Variants in RASGRP3 observed in about 807,000 individuals in gnomAD.
RASGRP3 encodes the protein RAS guanyl releasing protein 3.
RASGRP3 carries 54 observed loss-of-function variants against 82.7 expected under a neutral mutation model. The ratio of observed to expected loss-of-function variants is 0.65; its 90% CI spans 0.52 to 0.82. RASGRP3 has a LOEUF of 0.82. Among genes scored for constraint, RASGRP3 ranks in the 40% least tolerant of loss-of-function variants. RASGRP3 has a pLI of 0.00. For synonymous variants in RASGRP3, 309 were observed against 300.5 expected, an observed-to-expected ratio of 1.03 and a Z score of -0.29; for missense variants, 861 against 828.9, an observed-to-expected ratio of 1.04 and a Z score of -0.48.
chr2:33,485,151 T>C (rs1668264131), intron 1 of RASGRP3, among the ~76,000 whole-genome samples: 1 of 152,210 alleles, frequency 6.6e-6, no homozygotes, highest in Non-Finnish European at 1.5e-5. Flanking sequence ...TGAGCCTAGA[T>C]TGCGCCATTG....
At position 33,515,144 on chromosome 2, in the gene RASGRP3, C is replaced by T; in HGVS notation, c.8C>T (p.Ser3Leu). MG[S>L]SGLGKAATLD... ...GACAACGGCTAAATAACCATGGGAT[C>T]AAGTGGCCTTGGGAAAGCAGCAACA... The change falls in exon 3 of 18, where the codon TCA (serine) becomes TTA (leucine). Residue 3 changes from serine (S) to leucine (L), a missense_variant. Coordinates refer to ENST00000403687, the MANE Select transcript of RASGRP3 (RefSeq NM_001139488.2). The T allele has an allele frequency of 6.2e-7, 1 of 1,613,896 alleles. No individual in the cohort carries two copies. The highest frequency in any genetic ancestry group is 8.5e-7 in the Non-Finnish European group (1 of 1,179,810).
intron 2 of RASGRP3, among the ~76,000 whole-genome samples, chr2:33,469,520 C>T (rs556876640): frequency 1.5e-4 from 23 of 149,736 alleles, no homozygotes; most frequent in African/African-American, 3.5e-4. Context: ...AGTGCAGTGG[C>T]GCGATCTTGA....
intron 1 of RASGRP3, among the ~76,000 whole-genome samples, chr2:33,487,016 C>T (rs1042688829): frequency 3.3e-5 from 5 of 152,132 alleles, no homozygotes; most frequent in Non-Finnish European, 7.4e-5. Flanking sequence ...TATTATCTAA[C>T]TTTAACAATT....
At chr2:33,440,806 A>AAC (rs1238358770) in intron 1 of RASGRP3, among the ~76,000 whole-genome samples, 4 of 152,180 alleles carry the variant, frequency 2.6e-5, no homozygotes, top group African/African-American at 7.2e-5. Flanking sequence ...GTGTGGCTAA[A>AAC]ACATACTTAT....
chr2:33,437,498 G>A (rs1325912431), intron 1 of RASGRP3, among the ~76,000 whole-genome samples: 1 of 152,204 alleles, frequency 6.6e-6, no homozygotes, highest in Non-Finnish European at 1.5e-5. Context: ...AGAGGAATAC[G>A]GTTCTGGTGG....
intron 16 of RASGRP3, 135 bp downstream of exon 16, chr2:33,558,471 T>G: frequency 7.4e-7 from 1 of 1,355,836 alleles, no homozygotes; most frequent in South Asian, 1.4e-5. Flanking sequence ...TGAGCAGCAG[T>G]AGCTAAACCC....
chr2:33,448,301 C>T (rs924523526), intron 2 of RASGRP3, among the ~76,000 whole-genome samples: 2 of 151,854 alleles, frequency 1.3e-5, no homozygotes, highest in Non-Finnish European at 2.9e-5. Context: ...TTATAAATTC[C>T]TTCATGTCTA....
intron 17 of RASGRP3, among the ~76,000 whole-genome samples, chr2:33,561,356 C>T (rs961575495): frequency 4.6e-5 from 7 of 152,154 alleles, no homozygotes; most frequent in Non-Finnish European, 7.3e-5. Flanking sequence ...CGTAAGCCAT[C>T]GCGCCCAGCT....
intron 1 of RASGRP3, among the ~76,000 whole-genome samples, chr2:33,507,612 A>G (rs1321986856): frequency 4.6e-5 from 7 of 152,012 alleles, no homozygotes; most frequent in Non-Finnish European, 8.8e-5. Flanking sequence ...TGCAACCTCC[A>G]CCTCCCAGGT....
chr2:33,500,602 T>C (rs1053752785), intron 1 of RASGRP3, among the ~76,000 whole-genome samples: 1 of 152,002 alleles, frequency 6.6e-6, no homozygotes, highest in Non-Finnish European at 1.5e-5. Flanking sequence ...GGTTGAGCCA[T>C]AGACCAAGGA....
chr2:33,446,465 G>A (rs1483790587), intron 1 of RASGRP3, among the ~76,000 whole-genome samples: 3 of 143,800 alleles, frequency 2.1e-5, no homozygotes, highest in Non-Finnish European at 4.5e-5. Flanking sequence ...GCCCAAGTAG[G>A]GCAATTTTTT....
At chr2:33,439,753 A>T (rs1212776441) in intron 1 of RASGRP3, among the ~76,000 whole-genome samples, 2 of 152,050 alleles carry the variant, frequency 1.3e-5, no homozygotes, top group Admixed American at 6.5e-5. Context: ...AAGTGCCTGG[A>T]GGAGGCTGGG....
intron 2 of RASGRP3, among the ~76,000 whole-genome samples, chr2:33,454,811 A>G (rs538935576): frequency 2.6e-5 from 4 of 152,346 alleles, no homozygotes; most frequent in Non-Finnish European, 5.9e-5. Context: ...AACTGCTAAT[A>G]GGTTGTAAGT....
intron 10 of RASGRP3, among the ~76,000 whole-genome samples, chr2:33,528,243 C>G (rs1672772019): frequency 1.3e-5 from 2 of 152,206 alleles, no homozygotes; most frequent in Non-Finnish European, 1.5e-5. Flanking sequence ...CTCACAGTTC[C>G]TGGCATATTT....
chr2:33,548,360 C>CAAAAA (rs775598057), intron 13 of RASGRP3, among the ~76,000 whole-genome samples: 5 of 78,696 alleles, frequency 6.4e-5, no homozygotes, highest in Middle Eastern at 8.1e-3. Context: ...GACTCCGTCT[C>CAAAAA]AAAAAAAAAA....
In RASGRP3 at chr2:33,556,890, TACACACACACACACAC is replaced by T. The variant is rs58614411; in HGVS notation, c.1580-1298_1580-1283del. ...TGGTTTCTATCCTCATACCCTAAAATACACACACACACACACACACACACACACACACACACACGCA... is the reference window on the plus strand; with the variant it reads ...TGGTTTCTATCCTCATACCCTAAAATACACACACACACACACACACACGCA... On this transcript the variant is annotated intron_variant, in intron 15 of 17. Coordinates refer to ENST00000403687, the MANE Select transcript of RASGRP3 (RefSeq NM_001139488.2). Among the ~76,000 whole-genome samples the T allele has an allele frequency of 4.1e-4, 53 of 130,864 alleles. 2 individuals carry two copies. In the South Asian group the frequency reaches 9.5e-3, roughly 23 times the overall value. The allele number at this position is 130,864 out of a possible 152,430, so 85.9% of individuals were successfully genotyped here. A position where few individuals can be genotyped will look rare whatever the true frequency, so the allele number is the denominator to read the frequency against.
At chr2:33,479,380 T>C (rs1041403989) in intron 1 of RASGRP3, among the ~76,000 whole-genome samples, 4 of 151,790 alleles carry the variant, frequency 2.6e-5, no homozygotes, top group Non-Finnish European at 4.4e-5. Flanking sequence ...CCTCCAGTTT[T>C]CCTGTCACTC....
intron 2 of RASGRP3, among the ~76,000 whole-genome samples, chr2:33,470,906 A>G (rs181531951): frequency 6.6e-6 from 1 of 152,198 alleles, no homozygotes; most frequent in East Asian, 1.9e-4. Flanking sequence ...TTTTGTCTCC[A>G]TTTTTCTCAT....
chr2:33,478,308 G>A (rs563110675), intron 1 of RASGRP3, among the ~76,000 whole-genome samples: 5 of 152,292 alleles, frequency 3.3e-5, no homozygotes, highest in East Asian at 1.9e-4. Context: ...TCTGTTCCTC[G>A]GTATGGCATT....
Sources: allele counts gnomAD v4.1 joint callset (sites outside exome capture counted in the v4.1 genomes callset), GRCh38; gene constraint gnomAD v4.1.1; transcripts MANE v1.5; gene names NCBI Gene and HGNC (gene_info 2026-07-23, HGNC 2026-07-21).